SP140: variants seen among roughly 807,000 people sequenced by gnomAD.
SP140 encodes SP140 nuclear body protein.
A neutral mutation model predicts 125.0 loss-of-function variants in SP140; 81 were observed. The ratio of observed to expected loss-of-function variants is 0.65; its 90% CI spans 0.54 to 0.78. The LOEUF is 0.78. Among genes scored for constraint, SP140 ranks in the 30% least tolerant of loss-of-function variants. SP140 has a pLI of 0.00. For synonymous variants in SP140, 312 were observed against 354.0 expected, an observed-to-expected ratio of 0.88 and a Z score of 1.33; for missense variants, 858 against 1,037.0, an observed-to-expected ratio of 0.83 and a Z score of 2.37.
Position 230,212,468 on chromosome 2 carries a change from C to T in SP140, c.-322-1186C>T, listed in dbSNP as rs761682153. On this transcript the variant is annotated intron_variant, in intron 1 of 4. Coordinates refer to the SP140 transcript ENST00000456542. Reference sequence around the variant, plus strand: ...AGGAAATTATTACAGATTGCAGGGACTGGATGTCAGGGAGAAGAGTGAATG... The same window carrying T: ...AGGAAATTATTACAGATTGCAGGGATTGGATGTCAGGGAGAAGAGTGAATG... 4 of 1,469,454 alleles carry T rather than the reference C, an allele frequency of 2.7e-6. No homozygotes were observed. In the East Asian group the frequency reaches 6.8e-5, roughly 25 times the overall value. 91.0% of individuals were successfully genotyped at this position (1,469,454 alleles called of 1,614,324 possible). A position where few individuals can be genotyped will look rare whatever the true frequency, so the allele number is the denominator to read the frequency against.
chr2:230,284,364 G>C lies in SP140; in HGVS notation c.1517G>C (p.Gly506Ala), dbSNP rs779559296. The change falls in exon 16 of 27, where the codon GGC becomes GCC. Residue 506 changes from glycine (G) to alanine (A), a missense_variant. Coordinates refer to ENST00000392045, the MANE Select transcript of SP140 (RefSeq NM_007237.5). The stretch of plus-strand genomic sequence containing the variant: ...TTTGAAGGAAAAAAGAGGGGGCATG[G>C]CTGGAGCAGAATGAGAATGAGAAGG... Reference protein sequence around the residue: ...KRKRRKKRGHGWSRMRMRRQE... With the variant: ...KRKRRKKRGHAWSRMRMRRQE... 22 of 1,606,588 alleles carry C rather than the reference G, an allele frequency of 1.4e-5. No homozygotes were observed. The East Asian group carries it at 4.7e-4, about 34-fold the overall frequency.
chr2:230,288,501 C>G, intron 18 of SP140, among the ~76,000 whole-genome samples: 1 of 119,240 alleles, frequency 8.4e-6, no homozygotes, highest in African/African-American at 3.1e-5. Flanking sequence ...TTCTTTCTTT[C>G]TTTCTTTCTT....
intron 6 of SP140, 61 bp downstream of exon 6, chr2:230,245,141 C>G: frequency 1.9e-6 from 2 of 1,080,698 alleles, no homozygotes; most frequent in East Asian, 4.8e-5. Flanking sequence ...TCTATGCAAC[C>G]AACACTTCCT....
intron 12 of SP140, among the ~76,000 whole-genome samples, chr2:230,264,188 C>T (rs954428742): frequency 6.6e-6 from 1 of 151,982 alleles, no homozygotes; most frequent in Admixed American, 6.5e-5. Flanking sequence ...TTTACTTTAT[C>T]TTTGTTGGAT....
intron 1 of SP140, among the ~76,000 whole-genome samples, chr2:230,205,673 T>C (rs1254451080): frequency 6.6e-6 from 1 of 152,194 alleles, no homozygotes; most frequent in African/African-American, 2.4e-5. Flanking sequence ...TTGGAATAAA[T>C]GTCTGAATGG....
chr2:230,293,736 T>C (rs2057386764), intron 20 of SP140, among the ~76,000 whole-genome samples: 1 of 152,186 alleles, frequency 6.6e-6, no homozygotes, highest in African/African-American at 2.4e-5. Context: ...GAATGTTCAT[T>C]GATTGACCTG....
At chr2:230,239,043 A>G (rs1473623932) in intron 3 of SP140, 18 of 1,407,076 alleles carry the variant, frequency 1.3e-5, no homozygotes, top group Non-Finnish European at 1.7e-5. Flanking sequence ...ATTTTTGGAA[A>G]ATAAAGAAGG....
chr2:230,243,835 C>T (rs763077438), intron 5 of SP140, 24 bp downstream of exon 5: 2 of 1,539,518 alleles, frequency 1.3e-6, no homozygotes, highest in East Asian at 2.2e-5. Context: ...GACTTGCTCT[C>T]CCTGACCTGC....
intron 2 of SP140, 108 bp from the exon 3 acceptor site, chr2:230,238,105 G>A (rs112290363): frequency 4.0e-6 from 3 of 753,888 alleles, no homozygotes; most frequent in Admixed American, 2.9e-5. Flanking sequence ...CCAAATATAC[G>A]CAAAATTCTA....
At chr2:230,269,679 G>A in intron 13 of SP140, 61 bp downstream of exon 13, 1 of 1,189,486 alleles carries the variant, frequency 8.4e-7, no homozygotes. Context: ...GAAAAAGGAG[G>A]AGAAAAAATA....
intron 12 of SP140, 70 bp from the exon 13 acceptor site, chr2:230,269,462 C>A (rs748458239): frequency 2.2e-6 from 2 of 922,958 alleles, no homozygotes; most frequent in East Asian, 4.8e-5. Context: ...TGCAGTATAG[C>A]AGCACTGGAA....
chr2:230,262,135 A>G (rs568788062), intron 12 of SP140, among the ~76,000 whole-genome samples: 1 of 152,166 alleles, frequency 6.6e-6, no homozygotes, highest in Non-Finnish European at 1.5e-5. Flanking sequence ...GCTGCTTGTT[A>G]CTGGTCTGTT....
In SP140 at chr2:230,284,430, G is replaced by C. The variant is rs2056078228; in HGVS notation, c.1564+19G>C. On this transcript the variant is annotated intron_variant, in intron 16 of 26. Transcript: ENST00000392045. ...CAAAATGGTAAGCAGGCAAAGTGAA[G>C]TAGTTACAGCTTTTGAGTTTATTAG... The C allele has an allele frequency of 6.3e-7, 1 of 1,598,764 alleles. No individual in the cohort carries two copies. The highest frequency in any genetic ancestry group is 1.3e-5 in the African/African-American group (1 of 74,112).
intron 1 of SP140, chr2:230,213,067 C>A: frequency 6.2e-7 from 1 of 1,605,032 alleles, no homozygotes; most frequent in African/African-American, 1.3e-5. Flanking sequence ...ACCCTGGAGA[C>A]TCAGAATTAC....
chr2:230,279,783 G>T (rs2055253567), intron 15 of SP140, among the ~76,000 whole-genome samples: 1 of 152,014 alleles, frequency 6.6e-6, no homozygotes, highest in African/African-American at 2.4e-5. Flanking sequence ...CAGCTGATCT[G>T]TTTTTTGCTA....
chr2:230,189,334 T>C, the SP140 span, among the ~76,000 whole-genome samples: 2 of 152,200 alleles, frequency 1.3e-5, no homozygotes, highest in African/African-American at 4.8e-5. Flanking sequence ...AACTTTCCTC[T>C]TAAAAGCACT....
intron 1 of SP140, among the ~76,000 whole-genome samples, chr2:230,209,348 A>G (rs934602024): frequency 1.3e-5 from 2 of 152,170 alleles, no homozygotes; most frequent in African/African-American, 4.8e-5. Flanking sequence ...GTGTACCCTG[A>G]AGGCATCTAG....
At chr2:230,267,016 AT>A (rs1435333991) in intron 12 of SP140, among the ~76,000 whole-genome samples, 3 of 152,188 alleles carry the variant, frequency 2.0e-5, no homozygotes, top group Non-Finnish European at 4.4e-5. Context: ...GGAAAGAAAT[AT>A]TTGGGGGCCA....
intron 12 of SP140, among the ~76,000 whole-genome samples, chr2:230,265,585 T>G (rs73104283): frequency 0.14 from 21,353 of 152,112 alleles, 2,759 homozygotes; most frequent in African/African-American, 0.33. Flanking sequence ...GGAATGGCCT[T>G]CTAGGGGACC....
Sources: allele counts gnomAD v4.1 joint callset (sites outside exome capture counted in the v4.1 genomes callset), GRCh38; gene constraint gnomAD v4.1.1; transcripts MANE v1.5; gene names NCBI Gene and HGNC (gene_info 2026-07-23, HGNC 2026-07-21).